FAAH2: variants seen among roughly 807,000 people sequenced by gnomAD.
FAAH2 encodes fatty-acid amide hydrolase 2.
Under a neutral mutation model 36.9 loss-of-function variants are expected in FAAH2, and 60 were observed. That is an observed-to-expected ratio of 1.63 (90% CI 1.32 to 2.02). FAAH2 has a LOEUF of 2.02. Ranked by LOEUF, FAAH2 falls within the 30% of genes most tolerant of loss-of-function variation. The pLI, the probability that FAAH2 is intolerant of heterozygous loss-of-function variation, is 0.00. For missense variants in FAAH2, 689 were observed against 397.5 expected (o/e 1.73, Z -6.23); for synonymous variants, 214 against 143.8 (o/e 1.49, Z -3.49).
At chrX:57,327,774 C>G (rs2053262290) in intron 3 of FAAH2, among the ~76,000 whole-genome samples, 1 of 111,264 alleles carries the variant, frequency 9.0e-6, no homozygotes, top group Admixed American at 9.6e-5. Context: ...ACTTCTTTGC[C>G]ATGGGTTCAA....
At chrX:57,443,008 G>T (rs2056597013) in intron 8 of FAAH2, among the ~76,000 whole-genome samples, 2 of 111,519 alleles carry the variant, frequency 1.8e-5, no homozygotes, top group Non-Finnish European at 3.8e-5. Flanking sequence ...TCCCTTTGTG[G>T]GTAACCCGAC....
chrX:57,488,532 G>C (rs945365578), intron 10 of FAAH2, among the ~76,000 whole-genome samples: 8 of 111,330 alleles, frequency 7.2e-5, no homozygotes, highest in African/African-American at 2.6e-4. Flanking sequence ...CTATTCTTCA[G>C]TCATTTCATC....
chrX:57,362,384 G>T (rs752144864), intron 5 of FAAH2, among the ~76,000 whole-genome samples: 1 of 111,118 alleles, frequency 9.0e-6, no homozygotes, highest in Non-Finnish European at 1.9e-5. Context: ...GATAGCATTA[G>T]GAGAAATACC....
At chrX:57,131,048 G>C in the FAAH2 span, among the ~76,000 whole-genome samples, 1 of 108,251 alleles carries the variant, frequency 9.2e-6, no homozygotes. Flanking sequence ...AGTTGGACAT[G>C]TGAAAAACCG....
At chrX:57,376,282 A>G (rs1198483668) in intron 5 of FAAH2, among the ~76,000 whole-genome samples, 1 of 111,258 alleles carries the variant, frequency 9.0e-6, no homozygotes, top group Non-Finnish European at 1.9e-5. Context: ...TATGTGCAGA[A>G]CATGCAGGTT....
At chrX:57,424,238 G>A (rs2056106519) in intron 7 of FAAH2, among the ~76,000 whole-genome samples, 2 of 112,198 alleles carry the variant, frequency 1.8e-5, no homozygotes, top group South Asian at 7.4e-4. Context: ...GTGAGGACAG[G>A]TTTGCCTCTT....
chrX:57,420,905 A>T (rs1251108525), intron 7 of FAAH2, among the ~76,000 whole-genome samples: 1 of 111,888 alleles, frequency 8.9e-6, no homozygotes, highest in East Asian at 2.8e-4. Context: ...ATCAGTACCT[A>T]ATTCATTGAG....
chrX:57,173,867 T>C, the FAAH2 span, among the ~76,000 whole-genome samples: 1 of 111,814 alleles, frequency 8.9e-6, no homozygotes, highest in South Asian at 3.7e-4. Flanking sequence ...GGATGAATCA[T>C]ATTTATTTAC....
At chrX:57,405,206 G>A (rs900382185) in intron 7 of FAAH2, among the ~76,000 whole-genome samples, 9 of 111,348 alleles carry the variant, frequency 8.1e-5, no homozygotes, top group African/African-American at 9.8e-5. Context: ...AAATGTTACC[G>A]GGGGATCCTT....
the FAAH2 span, among the ~76,000 whole-genome samples, chrX:57,195,909 G>A: frequency 8.9e-6 from 1 of 112,142 alleles, no homozygotes; most frequent in Non-Finnish European, 1.9e-5. Context: ...TCAGTTGGCT[G>A]TAAGCATTTG....
chrX:57,134,648 A>AT, the FAAH2 span: 7 of 111,272 alleles, frequency 6.3e-5, no homozygotes, highest in Non-Finnish European at 1.3e-4. Context: ...GTAAGATTTC[A>AT]TTTTTTCTGG....
At chrX:57,428,700 AAT>A (rs1456110088) in intron 7 of FAAH2, among the ~76,000 whole-genome samples, 1 of 112,064 alleles carries the variant, frequency 8.9e-6, no homozygotes, top group Non-Finnish European at 1.9e-5. Context: ...CAGAAGAATA[AAT>A]ATGGACCTGT....
chrX:57,180,970 T>C, the FAAH2 span, among the ~76,000 whole-genome samples: 3 of 111,882 alleles, frequency 2.7e-5, no homozygotes, highest in African/African-American at 9.7e-5. Flanking sequence ...CAAGATTGCT[T>C]CAACATATGC....
At position 57,353,535 on chromosome X, in the gene FAAH2, A is replaced by G. The variant is rs767606809; in HGVS notation, c.742+12145A>G. Among the ~76,000 whole-genome samples the G allele has an allele frequency of 3.7e-5, 4 of 107,650 alleles. No individual in the cohort carries two copies. In the Admixed American group the frequency reaches 4.0e-4, roughly 11 times the overall value. The allele number at this position is 107,650 out of a possible 115,157, so 93.5% of individuals were successfully genotyped here. ...GAAAACCAAGGGGAAATTATTTTGG[A>G]CATCTGTCTAGGCAAATACTTTATG... On this transcript the variant is annotated intron_variant, in intron 5 of 10. Transcript: ENST00000374900.
intron 7 of FAAH2, among the ~76,000 whole-genome samples, chrX:57,384,155 C>A (rs2054941317): frequency 9.1e-6 from 1 of 109,843 alleles, no homozygotes; most frequent in Non-Finnish European, 1.9e-5. Context: ...CTTCCTTACA[C>A]CTTATACAAA....
intron 2 of FAAH2, among the ~76,000 whole-genome samples, chrX:57,301,412 T>C (rs1206243475): frequency 1.2e-5 from 1 of 85,766 alleles, no homozygotes; most frequent in Non-Finnish European, 2.1e-5. Flanking sequence ...AATTGAACAA[T>C]GAGAACACAT....
At chrX:57,140,169 C>T in the FAAH2 span, among the ~76,000 whole-genome samples, 1 of 110,913 alleles carries the variant, frequency 9.0e-6, no homozygotes, top group African/African-American at 3.3e-5. Flanking sequence ...GGCATTTGTG[C>T]TACTGATTTT....
chrX:57,365,967 AT>A (rs2147158001), intron 5 of FAAH2, among the ~76,000 whole-genome samples: 1 of 111,782 alleles, frequency 8.9e-6, no homozygotes, highest in East Asian at 2.8e-4. Flanking sequence ...TGTCCCTTGG[AT>A]GTTTTTCAAG....
intron 7 of FAAH2, among the ~76,000 whole-genome samples, chrX:57,426,885 A>T (rs2056175055): frequency 9.0e-6 from 1 of 111,510 alleles, no homozygotes; most frequent in African/African-American, 3.2e-5. Context: ...TAGAAGAAAA[A>T]TAACAAACAT....
Sources: allele counts gnomAD v4.1 joint callset (sites outside exome capture counted in the v4.1 genomes callset), GRCh38; gene constraint gnomAD v4.1.1; transcripts MANE v1.5; gene names NCBI Gene and HGNC (gene_info 2026-07-23, HGNC 2026-07-21).